CFAP47: variants seen among roughly 807,000 people sequenced by gnomAD.
The protein encoded by CFAP47 is cilia- and flagella-associated protein 47.
CFAP47 carries 29 observed loss-of-function variants against 148.1 expected under a neutral mutation model. The ratio of observed to expected loss-of-function variants is 0.20; its 90% CI spans 0.15 to 0.27. The LOEUF (loss-of-function observed/expected upper bound fraction) is 0.27, where lower values mean the gene tolerates loss of function less well. Ranked by LOEUF, CFAP47 falls within the 10% of genes least tolerant of loss-of-function variation. CFAP47 has a pLI of 1.00. For synonymous variants in CFAP47, 664 were observed against 577.3 expected (o/e 1.15, Z -2.15); for missense variants, 1,872 against 1,697.5 (o/e 1.10, Z -1.81).
intron 49 of CFAP47, among the ~76,000 whole-genome samples, chrX:36,256,392 A>G (rs1483216788): frequency 8.9e-6 from 1 of 112,232 alleles, no homozygotes. Context: ...TCACAACATA[A>G]AGCAACTAAT....
chrX:36,162,252 T>C (rs149546917), intron 39 of CFAP47, among the ~76,000 whole-genome samples: 4,017 of 111,926 alleles, frequency 0.036, 183 homozygotes, highest in African/African-American at 0.12. Flanking sequence ...TGATTTTAAC[T>C]ATATCCTTCC....
chrX:36,309,976 T>A (rs1941380113), intron 55 of CFAP47, among the ~76,000 whole-genome samples: 1 of 110,958 alleles, frequency 9.0e-6, no homozygotes, highest in Admixed American at 9.6e-5. Context: ...TTTATGAGTT[T>A]TCTTTCACTA....
At chrX:36,285,544 G>T in intron 50 of CFAP47, 85 bp from the exon 51 acceptor site, 1 of 437,519 alleles carries the variant, frequency 2.3e-6, no homozygotes, top group Non-Finnish European at 4.0e-6. Flanking sequence ...GGTTGAAAAT[G>T]ATGTCTGTTC....
chrX:36,105,111 G>A (rs780895930), intron 33 of CFAP47, among the ~76,000 whole-genome samples: 1 of 111,877 alleles, frequency 8.9e-6, no homozygotes, highest in South Asian at 3.7e-4. Flanking sequence ...ATCACTAAGA[G>A]CAATAATGCT....
intron 26 of CFAP47, among the ~76,000 whole-genome samples, chrX:36,047,433 C>T (rs761441547): frequency 8.9e-6 from 1 of 111,900 alleles, no homozygotes; most frequent in South Asian, 3.7e-4. Context: ...AAAGGAAATG[C>T]TAAATAAGTG....
At chrX:36,008,199 A>G (rs1425992862) in intron 21 of CFAP47, among the ~76,000 whole-genome samples, 1 of 111,289 alleles carries the variant, frequency 9.0e-6, no homozygotes, top group African/African-American at 3.3e-5. Flanking sequence ...CATCCTGTGA[A>G]TAGCTTCTCT....
rs866215226 is a variant in CFAP47, at chrX:35,953,681, A to G, written c.1136A>G (p.Asp379Gly). The G allele has an allele frequency of 2.5e-6, 3 of 1,203,903 alleles. No homozygotes were observed. The highest frequency in any genetic ancestry group is 3.5e-5 in the South Asian group (2 of 56,405). ...FLRFESVGSK[D>G]GFLRDDDYKT... ...AGATTTGAGTCCGTAGGAAGTAAAG[A>G]TGGATTTTTGAGAGATGATGACTAT... Residue 379 changes from aspartate (D) to glycine (G), a missense_variant, in exon 7 of 64, where the codon GAT becomes GGT. Coordinates refer to ENST00000378653, the MANE Select transcript of CFAP47 (RefSeq NM_001304548.2).
chrX:36,083,850 A>T (rs1938031584), intron 29 of CFAP47, among the ~76,000 whole-genome samples: 1 of 111,289 alleles, frequency 9.0e-6, no homozygotes, highest in African/African-American at 3.2e-5. Flanking sequence ...AACAATAATG[A>T]TTTAATAATG....
chrX:36,008,279 C>A (rs186261124), intron 21 of CFAP47, among the ~76,000 whole-genome samples: 1 of 111,671 alleles, frequency 9.0e-6, no homozygotes, highest in Non-Finnish European at 1.9e-5. Flanking sequence ...AGTGTCCCTA[C>A]GCTTCTATAA....
At chrX:36,254,895 A>G (rs1940732054) in intron 49 of CFAP47, among the ~76,000 whole-genome samples, 1 of 111,822 alleles carries the variant, frequency 8.9e-6, no homozygotes, top group Non-Finnish European at 1.9e-5. Flanking sequence ...GTTGTAGGAA[A>G]CCACTGGTGT....
At chrX:36,166,350 T>C (rs1209025364) in intron 39 of CFAP47, among the ~76,000 whole-genome samples, 1 of 111,389 alleles carries the variant, frequency 9.0e-6, no homozygotes, top group Non-Finnish European at 1.9e-5. Context: ...AGTTTGTTAG[T>C]TCTTTCTTCC....
chrX:35,943,776 C>G (rs1569209447), intron 3 of CFAP47, among the ~76,000 whole-genome samples: 1 of 111,535 alleles, frequency 9.0e-6, no homozygotes, highest in Non-Finnish European at 1.9e-5. Context: ...GAATTAAAAT[C>G]ATTTCTTCCT....
At chrX:36,172,623 C>A (rs1939599725) in intron 39 of CFAP47, among the ~76,000 whole-genome samples, 1 of 110,767 alleles carries the variant, frequency 9.0e-6, no homozygotes, top group African/African-American at 3.3e-5. Context: ...ATATGTTGAA[C>A]CAGCCTTGCA....
chrX:35,991,980 G>A, intron 17 of CFAP47, 37 bp downstream of exon 17: 2 of 288,819 alleles, frequency 6.9e-6, no homozygotes, highest in East Asian at 4.9e-5. Flanking sequence ...ATTTGGATCA[G>A]ATGACATGGT....
At chrX:35,924,393 A>G (rs1010728330) in intron 1 of CFAP47, among the ~76,000 whole-genome samples, 11 of 105,179 alleles carry the variant, frequency 1.0e-4, no homozygotes, top group Non-Finnish European at 1.7e-4. Flanking sequence ...ACATATGTGT[A>G]TATATGCACA....
chrX:36,367,090 G>C lies in CFAP47; in HGVS notation c.9148G>C (p.Glu3050Gln). The C allele has an allele frequency of 8.6e-7, 1 of 1,159,267 alleles. No individual in the cohort carries two copies. The highest frequency in any genetic ancestry group is 1.9e-5 in the South Asian group (1 of 51,356). ...CATTGAAGGAGTTGGTTTATTTAAG[G>C]AATCTGTTTTTGAACTTAGGCTGAA... The part of the protein sequence containing the change: ...IDIEGVGLFK[E>Q]SVFELRLKSQ... Residue 3050 changes from glutamate to glutamine, a missense_variant, in exon 62 of 64, where the codon GAA becomes CAA. Transcript: ENST00000378653.
intron 62 of CFAP47, 33 bp downstream of exon 62, chrX:36,367,160 T>C (rs1556020486): frequency 5.1e-6 from 5 of 976,857 alleles, no homozygotes; most frequent in Non-Finnish European, 6.9e-6. Context: ...GTAGCTGTTT[T>C]AGTGAATATG....
intron 26 of CFAP47, among the ~76,000 whole-genome samples, chrX:36,050,699 G>A (rs1191080221): frequency 2.7e-5 from 3 of 112,315 alleles, no homozygotes; most frequent in African/African-American, 9.7e-5. Context: ...GCATAAATCT[G>A]CATAACTAAC....
chrX:36,228,842 T>G lies in CFAP47; in HGVS notation c.7014+18T>G. 1.9e-6 allele frequency: 1 copy of G among 513,927 alleles called. No individual in the cohort carries two copies. The allele number at this position is 513,927 out of a possible 1,213,427, so 42.4% of individuals were successfully genotyped here. A position where few individuals can be genotyped will look rare whatever the true frequency, so the allele number is the denominator to read the frequency against. On this transcript the variant is annotated intron_variant, in intron 46 of 63. Coordinates refer to ENST00000378653, the MANE Select transcript of CFAP47 (RefSeq NM_001304548.2). Reference sequence around the variant, plus strand: ...TTCCAATAGTATGTATAAACTTTTTTGGTACCTTTCTTTATTCATATTGCC... The same window carrying G: ...TTCCAATAGTATGTATAAACTTTTTGGGTACCTTTCTTTATTCATATTGCC...
Sources: gnomAD v4.1 joint callset for allele counts (sites outside exome capture counted in the v4.1 genomes callset) on GRCh38, gnomAD v4.1.1 for gene constraint, MANE v1.5 for transcripts, NCBI Gene and HGNC (gene_info 2026-07-23, HGNC 2026-07-21) for gene names.